PRKN: variants seen among roughly 807,000 people sequenced by gnomAD.
PRKN encodes E3 ubiquitin-protein ligase parkin.
PRKN carries 56 observed loss-of-function variants against 59.5 expected under a neutral mutation model. The observed-to-expected ratio is 0.94, with a 90% CI of 0.76 to 1.18. The LOEUF is 1.18. Ranked by LOEUF, PRKN falls within the 50% of genes most tolerant of loss-of-function variation. The probability of loss-of-function intolerance (pLI) is 0.00; values close to 1 mark genes in which losing one functional copy is unlikely to be tolerated. For missense variants in PRKN, 657 were observed against 596.4 expected (o/e 1.10, Z -1.06); for synonymous variants, 250 against 222.1 (o/e 1.13, Z -1.12).
chr6:162,618,249 G>A (rs1295456515), intron 1 of PRKN, among the ~76,000 whole-genome samples: 2 of 152,078 alleles, frequency 1.3e-5, no homozygotes, highest in Non-Finnish European at 2.9e-5. Flanking sequence ...GTCTTATGAA[G>A]TGTGTATTCA....
intron 7 of PRKN, among the ~76,000 whole-genome samples, chr6:161,655,704 AT>A (rs1183433225): frequency 6.6e-6 from 1 of 152,224 alleles, no homozygotes; most frequent in Non-Finnish European, 1.5e-5. Flanking sequence ...TAGCTAAAAA[AT>A]GATTACACTG....
At position 162,155,864 on chromosome 6, in the gene PRKN, C is replaced by T. The variant is rs575124789; in HGVS notation, c.534+45267G>A. Reference sequence around the variant, plus strand: ...GCTAAAGAAGGAACTAAAACCAAAACGTGATAAGTGATTATAAAACCATTT... The same window carrying T: ...GCTAAAGAAGGAACTAAAACCAAAATGTGATAAGTGATTATAAAACCATTT... On this transcript the variant is annotated intron_variant, in intron 4 of 11. Transcript: ENST00000366898. Among the ~76,000 whole-genome samples, 6 of 149,348 alleles carry T rather than the reference C, an allele frequency of 4.0e-5. No individual in the cohort carries two copies. The South Asian group carries it at 8.4e-4, about 21-fold the overall frequency.
rs1056792687 is a variant in PRKN, at chr6:162,642,326, A to G, written c.7+85336T>C. ...ATGATCCATAAAATAAGAACCAAAAATATTAAAAAATTAACATTTGCTTAA... is the reference window on the plus strand; with the variant it reads ...ATGATCCATAAAATAAGAACCAAAAGTATTAAAAAATTAACATTTGCTTAA... On this transcript the variant is annotated intron_variant, in intron 1 of 11. Coordinates refer to ENST00000366898, the MANE Select transcript of PRKN (RefSeq NM_004562.3). 1.7e-4 allele frequency among the ~76,000 whole-genome samples: 26 copies of G among 152,290 alleles called. No individual in the cohort carries two copies. In the East Asian group the frequency reaches 4.4e-3, roughly 26 times the overall value.
intron 6 of PRKN, among the ~76,000 whole-genome samples, chr6:161,957,233 T>C (rs1449107567): frequency 6.6e-6 from 1 of 152,184 alleles, no homozygotes; most frequent in East Asian, 1.9e-4. Context: ...GTCACGTGAA[T>C]GTTGTTTCTG....
intron 1 of PRKN, among the ~76,000 whole-genome samples, chr6:162,539,757 A>G (rs1227893029): frequency 6.6e-6 from 1 of 152,202 alleles, no homozygotes; most frequent in Non-Finnish European, 1.5e-5. Flanking sequence ...TTTTGCAGCT[A>G]TGCGAAATTT....
chr6:161,721,666 TC>T (rs970234438), intron 7 of PRKN, among the ~76,000 whole-genome samples: 42 of 151,864 alleles, frequency 2.8e-4, no homozygotes, highest in African/African-American at 1.0e-3. Context: ...GGGCTCTGGG[TC>T]CCCCCCGTGC....
chr6:162,568,499 C>T (rs541562656), intron 1 of PRKN: 41 of 684,864 alleles, frequency 6.0e-5, no homozygotes, highest in African/African-American at 5.1e-4. Context: ...GCATCACCGC[C>T]GTTGTGGTCA....
At chr6:162,668,745 G>T (rs1391193722) in intron 1 of PRKN, among the ~76,000 whole-genome samples, 2 of 152,124 alleles carry the variant, frequency 1.3e-5, no homozygotes, top group African/African-American at 4.8e-5. Flanking sequence ...TCGATGAGTG[G>T]GTGTGGCACC....
intron 7 of PRKN, among the ~76,000 whole-genome samples, chr6:161,690,976 T>A (rs1387689901): frequency 6.6e-6 from 1 of 150,554 alleles, no homozygotes; most frequent in Non-Finnish European, 1.5e-5. Context: ...CATCCATCCA[T>A]CCATCCATCC....
At position 162,437,684 on chromosome 6, in the gene PRKN, C is replaced by T. The variant is rs137900805; in HGVS notation, c.171+5626G>A. On this transcript the variant is annotated intron_variant, in intron 2 of 11. Coordinates refer to ENST00000366898, the MANE Select transcript of PRKN (RefSeq NM_004562.3). ...TATATAAATAAAATTATTCAGTGTA[C>T]GATCTTTGGGGATGGGCTTTTTCCA... Among the ~76,000 whole-genome samples, 561 of 152,190 alleles carry T rather than the reference C, an allele frequency of 3.7e-3. 6 individuals are homozygous for T. The highest frequency in any genetic ancestry group is 0.012 in the African/African-American group (512 of 41,516).
intron 7 of PRKN, among the ~76,000 whole-genome samples, chr6:161,744,022 G>A (rs1178833601): frequency 2.0e-5 from 3 of 152,102 alleles, no homozygotes; most frequent in Non-Finnish European, 4.4e-5. Flanking sequence ...GGCAGCACCT[G>A]ATTCATCCAC....
chr6:162,171,238 G>GAAGGA (rs1783258087), intron 4 of PRKN, among the ~76,000 whole-genome samples: 1 of 152,112 alleles, frequency 6.6e-6, no homozygotes, highest in East Asian at 1.9e-4. Flanking sequence ...GGAGAAACTG[G>GAAGGA]AAGGAGGAGG....
intron 1 of PRKN, among the ~76,000 whole-genome samples, chr6:162,563,757 A>G (rs1779948581): frequency 6.6e-6 from 1 of 152,212 alleles, no homozygotes; most frequent in African/African-American, 2.4e-5. Flanking sequence ...AGAAAACACA[A>G]AGAAAATTCA....
intron 7 of PRKN, among the ~76,000 whole-genome samples, chr6:161,619,250 A>AG (rs1263009598): frequency 6.6e-6 from 1 of 151,242 alleles, no homozygotes; most frequent in East Asian, 1.9e-4. Flanking sequence ...TAAAAAAAAA[A>AG]AAAAAAAAAG....
chr6:161,877,535 C>CTGCAAGCTCAGCCTCCTGGG (rs1794778142), intron 6 of PRKN, among the ~76,000 whole-genome samples: 1 of 151,366 alleles, frequency 6.6e-6, no homozygotes, highest in East Asian at 1.9e-4. Flanking sequence ...TCTCAGCTCA[C>CTGCAAGCTCAGCCTCCTGGG]TGCAAGCTCA....
Position 161,442,365 on chromosome 6 carries a change from T to C in PRKN, c.1084-55488A>G, listed in dbSNP as rs1435680050. The stretch of plus-strand genomic sequence containing the variant: ...CATGAAATGAGTTTAAAGTCCTTAA[T>C]CTTGAAGGCTAGATTTAAGACACTA... On this transcript the variant is annotated intron_variant, in intron 9 of 11. Coordinates refer to ENST00000366898, the MANE Select transcript of PRKN (RefSeq NM_004562.3). The surrounding 1 kb of genome is among the most constrained non-coding windows in gnomAD (Gnocchi z 4.6). 6.6e-6 allele frequency among the ~76,000 whole-genome samples: 1 copy of C among 152,222 alleles called. No homozygotes were observed. Among genetic ancestry groups the C allele is most frequent in the Non-Finnish European group, 1.5e-5 (1 of 68,044 alleles).
At chr6:162,274,687 A>G (rs1434038323) in intron 2 of PRKN, among the ~76,000 whole-genome samples, 1 of 152,178 alleles carries the variant, frequency 6.6e-6, no homozygotes, top group Non-Finnish European at 1.5e-5. Flanking sequence ...TTGAAGAAAA[A>G]TGGGTTAATC....
At chr6:161,913,907 A>G (rs1048822967) in intron 6 of PRKN, among the ~76,000 whole-genome samples, 1 of 152,196 alleles carries the variant, frequency 6.6e-6, no homozygotes, top group Non-Finnish European at 1.5e-5. Flanking sequence ...TCTGTCATGT[A>G]AGGACAGCAA....
chr6:162,222,569 C>G (rs1373183293), intron 3 of PRKN, among the ~76,000 whole-genome samples: 6 of 152,142 alleles, frequency 3.9e-5, no homozygotes, highest in Non-Finnish European at 7.4e-5. Context: ...ACAATCATGT[C>G]AGTGTGAAAA....
Sources: gnomAD v4.1 joint callset for allele counts (sites outside exome capture counted in the v4.1 genomes callset) on GRCh38, gnomAD v4.1.1 for gene constraint, Gnocchi (gnomAD v3.1) non-coding constraint, MANE v1.5 for transcripts, NCBI Gene and HGNC (gene_info 2026-07-23, HGNC 2026-07-21) for gene names.